The following JAKMIP1 variants were observed in gnomAD, a reference collection of about 807,000 sequenced individuals.
JAKMIP1 encodes janus kinase and microtubule-interacting protein 1.
A neutral mutation model predicts 113.0 loss-of-function variants in JAKMIP1; 33 were observed. The observed-to-expected ratio is 0.29, with a 90% CI of 0.22 to 0.39. The LOEUF is 0.39. Among genes scored for constraint, JAKMIP1 ranks in the 10% least tolerant of loss-of-function variants. The pLI is 1.00. For missense variants in JAKMIP1, 813 were observed against 1,080.5 expected (o/e 0.75, Z 3.47); for synonymous variants, 480 against 459.9 (o/e 1.04, Z -0.56).
At chr4:6,092,699 G>C (rs576713647) in intron 3 of JAKMIP1, among the ~76,000 whole-genome samples, 2 of 152,220 alleles carry the variant, frequency 1.3e-5, no homozygotes, top group Non-Finnish European at 2.9e-5. Context: ...GGAAGGCAGA[G>C]AATAGAAAAC....
intron 1 of JAKMIP1, among the ~76,000 whole-genome samples, chr4:6,190,163 C>T (rs948709351): frequency 6.6e-6 from 1 of 151,474 alleles, no homozygotes; most frequent in African/African-American, 2.4e-5. Context: ...GGCTATGGTT[C>T]ATGGGGGAAA....
rs1015328686 is a variant in JAKMIP1 at position 6,050,718 on chromosome 4, G to C, written c.1807-39C>G. 6.8e-7 allele frequency: 1 copy of C among 1,468,758 alleles called. No homozygotes were observed. The highest frequency in any genetic ancestry group is 9.3e-7 in the Non-Finnish European group (1 of 1,072,308). 91.0% of individuals were successfully genotyped at this position (1,468,758 alleles called of 1,614,324 possible). A position where few individuals can be genotyped will look rare whatever the true frequency, so the allele number is the denominator to read the frequency against. ...TCGGTTTAAAAACAGAATGTGACCG[G>C]ATTATTTACCACTTGCCATTTTCCC... On this transcript the variant is annotated intron_variant, in intron 13 of 20. Transcript: ENST00000409021. This position sits in a 1 kb window ranked among gnomAD's most constrained non-coding sequence, Gnocchi z 7.4.
chr4:6,112,100 C>G (rs1715029034), intron 2 of JAKMIP1, among the ~76,000 whole-genome samples: 1 of 152,214 alleles, frequency 6.6e-6, no homozygotes, highest in South Asian at 2.1e-4. Context: ...CATGACCCTG[C>G]TGAATTCAGC....
Position 6,157,763 on chromosome 4 carries a change from C to T in JAKMIP1, c.-148+42490G>A, listed in dbSNP as rs1281896877. On this transcript the variant is annotated intron_variant, in intron 1 of 20. Coordinates refer to ENST00000409021, the MANE Select transcript of JAKMIP1 (RefSeq NM_001099433.2). This position sits in a 1 kb window ranked among gnomAD's most constrained non-coding sequence, Gnocchi z 4.7. ...GATATGCCTCTCCGTAAACACCAGC[C>T]ATGAAGCAGCACACCCAGTAGGGTG... Among the ~76,000 whole-genome samples the T allele has an allele frequency of 6.6e-6, 1 of 152,284 alleles. No individual in the cohort carries two copies. The highest frequency in any genetic ancestry group is 2.1e-4 in the South Asian group (1 of 4,814).
At position 6,084,967 on chromosome 4, in the gene JAKMIP1, TAAAAAAAA is replaced by T. The variant is rs56874913; in HGVS notation, c.835-10_835-3del. On this transcript the variant is annotated splice_region_variant and splice_polypyrimidine_tract_variant and intron_variant, in intron 4 of 20. Transcript: ENST00000409021. ...ATCTCGCTCGTCCATATGTTGATCC[TAAAAAAAA>T]AAAAAAAAAAAAAAAAAAAGTCAAG... 11 of 377,570 alleles carry T rather than the reference TAAAAAAAA, an allele frequency of 2.9e-5. No individual in the cohort carries two copies. Among genetic ancestry groups the T allele is most frequent in the Non-Finnish European group, 3.6e-5 (11 of 308,238 alleles). The allele number at this position is 377,570 out of a possible 1,614,324, so 23.4% of individuals were successfully genotyped here.
rs1374567344 is a variant in JAKMIP1 at position 6,138,975 on chromosome 4, A to G, written c.-147-25978T>C. 5.9e-5 allele frequency among the ~76,000 whole-genome samples: 9 copies of G among 152,004 alleles called. No homozygotes were observed. The highest frequency in any genetic ancestry group is 1.2e-4 in the Non-Finnish European group (8 of 68,016). The stretch of plus-strand genomic sequence containing the variant: ...TCACGAGCCTTCATCTGGCTGGAAT[A>G]TGTCTCCCCACCCCACCCTGTCTGT... On this transcript the variant is annotated intron_variant, in intron 1 of 20. Transcript: ENST00000409021. The surrounding 1 kb of genome is among the most constrained non-coding windows in gnomAD (Gnocchi z 6.0).
chr4:6,059,770 A>C lies in JAKMIP1; in HGVS notation c.1644+654T>G, dbSNP rs1322529345. ...AGGGAGACGTTCAGGTTATGTCACC[A>C]CAGCAGCACTTCTGACACAGAGGAG... On this transcript the variant is annotated intron_variant, in intron 11 of 20. Coordinates refer to ENST00000409021, the MANE Select transcript of JAKMIP1 (RefSeq NM_001099433.2). The surrounding 1 kb of genome is among the most constrained non-coding windows in gnomAD (Gnocchi z 4.8). Among the ~76,000 whole-genome samples the C allele has an allele frequency of 6.6e-6, 1 of 152,100 alleles. No homozygotes were observed. Among genetic ancestry groups the C allele is most frequent in the Admixed American group, 6.5e-5 (1 of 15,274 alleles).
chr4:6,143,196 C>A lies in JAKMIP1; in HGVS notation c.-147-30199G>T, dbSNP rs1720402213. Among the ~76,000 whole-genome samples, 2 of 152,222 alleles carry A rather than the reference C, an allele frequency of 1.3e-5. No homozygotes were observed. The highest frequency in any genetic ancestry group is 2.9e-5 in the Non-Finnish European group (2 of 68,044). On this transcript the variant is annotated intron_variant, in intron 1 of 20. Transcript: ENST00000409021. This position sits in a 1 kb window ranked among gnomAD's most constrained non-coding sequence, Gnocchi z 4.9. ...GTTAACCCACGCACAGCACCTTGCA[C>A]AGTGCCTGGTGCGTGGTAGAGTTTG...
rs1232116860 is a variant in JAKMIP1, at chr4:6,093,105, C to T, written c.625-7476G>A. On this transcript the variant is annotated intron_variant, in intron 3 of 20. Transcript: ENST00000409021. This position sits in a 1 kb window ranked among gnomAD's most constrained non-coding sequence, Gnocchi z 4.6. ...ACCTTTGCCAGTGTTTCTCCCTCTG[C>T]ATAGGATCACCTAACAAACTCCTAT... 1.3e-5 allele frequency among the ~76,000 whole-genome samples: 2 copies of T among 152,182 alleles called. No individual in the cohort carries two copies. Among genetic ancestry groups the T allele is most frequent in the Admixed American group, 1.3e-4 (2 of 15,276 alleles).
chr4:6,085,518 G>T lies in JAKMIP1; in HGVS notation c.736C>A (p.Gln246Lys). 6.2e-7 allele frequency: 1 copy of T among 1,614,202 alleles called. No homozygotes were observed. The highest frequency in any genetic ancestry group is 8.5e-7 in the Non-Finnish European group (1 of 1,180,052). Reference protein sequence around the residue: ...LLLQKEALDEQLVQVKEAERH... With the variant: ...LLLQKEALDEKLVQVKEAERH... ...TCGGCCTCCTTGACCTGAACCAGCT[G>T]CTCATCCAAAGCCTCTTTCTGCAGA... Residue 246 changes from glutamine to lysine, a missense_variant, in exon 4 of 21, where the codon CAG (glutamine) becomes AAG (lysine). This residue lies in a region of JAKMIP1 where 540 missense variants were observed against 653.9 expected (regional missense o/e 0.83). Coordinates refer to ENST00000409021, the MANE Select transcript of JAKMIP1 (RefSeq NM_001099433.2).
chr4:6,149,874 G>A (rs1049741048), intron 1 of JAKMIP1, among the ~76,000 whole-genome samples: 4 of 151,938 alleles, frequency 2.6e-5, no homozygotes, highest in Non-Finnish European at 5.9e-5. Flanking sequence ...CTGCCCCAGT[G>A]ACCTCTCCCT....
chr4:6,149,246 G>A (rs995341044), intron 1 of JAKMIP1, among the ~76,000 whole-genome samples: 8 of 152,166 alleles, frequency 5.3e-5, no homozygotes, highest in Non-Finnish European at 1.2e-4. Flanking sequence ...GTAAAATCAC[G>A]CTAATCAAAT....
chr4:6,046,905 C>G (rs2108763206), intron 16 of JAKMIP1, among the ~76,000 whole-genome samples: 1 of 152,300 alleles, frequency 6.6e-6, no homozygotes, highest in Non-Finnish European at 1.5e-5. Context: ...CCCTCCAACA[C>G]CCCCTGCCCC....
intron 3 of JAKMIP1, among the ~76,000 whole-genome samples, chr4:6,096,465 T>C (rs1711787070): frequency 6.6e-6 from 1 of 152,218 alleles, no homozygotes; most frequent in Non-Finnish European, 1.5e-5. Flanking sequence ...ACTCTCCATT[T>C]TTCTAAAGGC....
chr4:6,094,146 A>G lies in JAKMIP1; in HGVS notation c.625-8517T>C, dbSNP rs1560173758. On this transcript the variant is annotated intron_variant, in intron 3 of 20. Coordinates refer to ENST00000409021, the MANE Select transcript of JAKMIP1 (RefSeq NM_001099433.2). This position sits in a 1 kb window ranked among gnomAD's most constrained non-coding sequence, Gnocchi z 4.2. The stretch of plus-strand genomic sequence containing the variant: ...AGGGAACATGCATCGAACACATGCC[A>G]CTGTCAGTTCATGAGTTTTAAAAAC... 6.6e-6 allele frequency among the ~76,000 whole-genome samples: 1 copy of G among 152,114 alleles called. No individual in the cohort carries two copies. The highest frequency in any genetic ancestry group is 1.5e-5 in the Non-Finnish European group (1 of 68,028).
chr4:6,096,179 C>A (rs189652280), intron 3 of JAKMIP1, among the ~76,000 whole-genome samples: 2 of 152,190 alleles, frequency 1.3e-5, no homozygotes, highest in Admixed American at 1.3e-4. Flanking sequence ...TCTCTTTTGA[C>A]ACTTAAATTA....
rs929985361 is a variant in JAKMIP1 at position 6,097,524 on chromosome 4, C to T, written c.624+7949G>A. On this transcript the variant is annotated intron_variant, in intron 3 of 20. Transcript: ENST00000409021. The surrounding 1 kb of genome is among the most constrained non-coding windows in gnomAD (Gnocchi z 4.3). ...GCGTTGTACACCTGCATTTTGACTG[C>T]GATCTGTCACAGGAGGTTGGGTGTG... Among the ~76,000 whole-genome samples, 53 of 152,242 alleles carry T rather than the reference C, an allele frequency of 3.5e-4. No homozygotes were observed. Among genetic ancestry groups the T allele is most frequent in the African/African-American group, 1.1e-3 (46 of 41,532 alleles).
At position 6,084,921 on chromosome 4, in the gene JAKMIP1, T is replaced by C. The variant is rs1478758686; in HGVS notation, c.879A>G (p.Lys293=). The C allele has an allele frequency of 6.2e-7, 1 of 1,610,878 alleles. No homozygotes were observed. The highest frequency in any genetic ancestry group is 1.1e-5 in the South Asian group (1 of 90,728). The change falls in exon 5 of 21, where the codon AAA becomes AAG. Residue 293 remains lysine (K), a synonymous_variant. Coordinates refer to ENST00000409021, the MANE Select transcript of JAKMIP1 (RefSeq NM_001099433.2). ...DERDVRRFQL[K]IAELNSVIRK... ...GTATCACTGAATTCAGTTCAGCAAT[T>C]TTTAGTTGAAATCGCCTCACATCTC...
intron 1 of JAKMIP1, among the ~76,000 whole-genome samples, chr4:6,166,517 G>A (rs564606078): frequency 9.8e-5 from 15 of 152,348 alleles, no homozygotes; most frequent in African/African-American, 3.6e-4. Flanking sequence ...GGCCCAGGCG[G>A]CCAGGGCTCT....
Sources: allele counts gnomAD v4.1 joint callset (sites outside exome capture counted in the v4.1 genomes callset), GRCh38; gene constraint gnomAD v4.1.1; regional missense constraint gnomAD v4.1.1; non-coding constraint Gnocchi (gnomAD v3.1); transcripts MANE v1.5; gene names NCBI Gene and HGNC (gene_info 2026-07-23, HGNC 2026-07-21).